The following INPP5D variants were observed in gnomAD, a reference collection of about 807,000 sequenced individuals.
INPP5D encodes phosphatidylinositol 3,4,5-trisphosphate 5-phosphatase 1.
INPP5D carries 33 observed loss-of-function variants against 122.9 expected under a neutral mutation model. That is an observed-to-expected ratio of 0.27 (90% CI 0.20 to 0.36). The LOEUF (loss-of-function observed/expected upper bound fraction) is 0.36, where lower values mean the gene tolerates loss of function less well. INPP5D is among the 10% of genes least tolerant of loss of function. The pLI is 1.00. For synonymous variants in INPP5D, 584 were observed against 576.2 expected, an observed-to-expected ratio of 1.01 and a Z score of -0.19; for missense variants, 1,053 against 1,412.7, an observed-to-expected ratio of 0.75 and a Z score of 4.08.
At chr2:233,132,859 T>C (rs992606090) in intron 5 of INPP5D, among the ~76,000 whole-genome samples, 3 of 151,436 alleles carry the variant, frequency 2.0e-5, no homozygotes, top group African/African-American at 7.3e-5. Flanking sequence ...CACACAACAG[T>C]AGACTAAGGA....
At chr2:233,086,108 G>A (rs992698187) in intron 2 of INPP5D, among the ~76,000 whole-genome samples, 1 of 137,210 alleles carries the variant, frequency 7.3e-6, no homozygotes, top group African/African-American at 2.6e-5. Flanking sequence ...CAGACATAGG[G>A]ATAAGATAGC....
rs73996067 is a variant in INPP5D at position 233,190,049 on chromosome 2, C to T, written c.2446+112C>T. On this transcript the variant is annotated intron_variant, in intron 22 of 26. Transcript: ENST00000445964. ...TTCCGGTCATAGGCTCCTGCCTCTC[C>T]TTTCCTCATCCCAGGGCTGCTAGTG... 5.6e-3 allele frequency: 8,321 copies of T among 1,478,602 alleles called. 334 individuals are homozygous for T. The African/African-American group carries it at 0.098, about 17-fold the overall frequency. The allele number at this position is 1,478,602 out of a possible 1,614,324, so 91.6% of individuals were successfully genotyped here. A position where few individuals can be genotyped will look rare whatever the true frequency, so the allele number is the denominator to read the frequency against.
In INPP5D at chr2:233,170,861, G is replaced by A. The variant is rs1345239721; in HGVS notation, c.1901-203G>A. On this transcript the variant is annotated intron_variant, in intron 16 of 26. Transcript: ENST00000445964. The surrounding 1 kb of genome is among the most constrained non-coding windows in gnomAD (Gnocchi z 4.5). ...GCAGAGCTTGCAGTGAGCCAAGATC[G>A]CGCCACTGCACTCCAGCCTGGCCAA... Among the ~76,000 whole-genome samples, 6 of 146,770 alleles carry A rather than the reference G, an allele frequency of 4.1e-5. No individual in the cohort carries two copies. The highest frequency in any genetic ancestry group is 2.0e-4 in the East Asian group (1 of 4,940).
At chr2:233,135,385 G>C (rs1242519234) in intron 5 of INPP5D, among the ~76,000 whole-genome samples, 3 of 151,366 alleles carry the variant, frequency 2.0e-5, no homozygotes, top group Non-Finnish European at 2.9e-5. Flanking sequence ...TTTTTTCTTA[G>C]AGATGGAGTT....
At chr2:233,161,560 C>T (rs1694199567) in intron 10 of INPP5D, among the ~76,000 whole-genome samples, 164 bp from the exon 11 acceptor site, 1 of 152,166 alleles carries the variant, frequency 6.6e-6, no homozygotes, top group Admixed American at 6.5e-5. Flanking sequence ...AGGCCAGAAG[C>T]CACTCGCTTA....
At chr2:233,173,769 C>A (rs1254736618) in intron 17 of INPP5D, among the ~76,000 whole-genome samples, 2 of 152,038 alleles carry the variant, frequency 1.3e-5, no homozygotes, top group Non-Finnish European at 2.9e-5. Flanking sequence ...CTTGTCTCTA[C>A]TAAAAATACA....
At chr2:233,205,785 G>T (rs768788476) in intron 26 of INPP5D, 2 of 151,956 alleles carry the variant, frequency 1.3e-5, no homozygotes, top group African/African-American at 4.8e-5. Context: ...CAGTGATTAA[G>T]AACAGACTCC....
At chr2:233,150,445 T>C (rs534857508) in intron 9 of INPP5D, among the ~76,000 whole-genome samples, 2 of 152,300 alleles carry the variant, frequency 1.3e-5, no homozygotes, top group East Asian at 3.9e-4. Context: ...CCTTTATAAA[T>C]TACCCAGTCT....
At chr2:233,107,906 C>T (rs898933726) in intron 2 of INPP5D, among the ~76,000 whole-genome samples, 1 of 152,174 alleles carries the variant, frequency 6.6e-6, no homozygotes, top group Non-Finnish European at 1.5e-5. Context: ...CCCTTCTGCA[C>T]ACTGAGATTC....
At chr2:233,202,733 G>C (rs910906605) in intron 25 of INPP5D, among the ~76,000 whole-genome samples, 9 of 152,230 alleles carry the variant, frequency 5.9e-5, no homozygotes, top group Non-Finnish European at 8.8e-5. Context: ...CTGCTAGTCA[G>C]GAAGTAAAAT....
chr2:233,184,947 G>A (rs951744289), intron 20 of INPP5D, among the ~76,000 whole-genome samples: 2 of 152,030 alleles, frequency 1.3e-5, no homozygotes, highest in East Asian at 3.9e-4. Flanking sequence ...CTTGCTCGTT[G>A]GAGATCACAG....
In INPP5D at chr2:233,186,684, C is replaced by CTTTTTTTTTTTTTT. The variant is rs144243823; in HGVS notation, c.2358+802_2358+815dup. Among the ~76,000 whole-genome samples the CTTTTTTTTTTTTTT allele has an allele frequency of 1.8e-4, 8 of 44,532 alleles. 1 individual carries two copies. The highest frequency in any genetic ancestry group is 3.0e-4 in the Admixed American group (1 of 3,374). 29.2% of individuals were successfully genotyped at this position (44,532 alleles called of 152,430 possible). A position where few individuals can be genotyped will look rare whatever the true frequency, so the allele number is the denominator to read the frequency against. On this transcript the variant is annotated intron_variant, in intron 21 of 26. Coordinates refer to ENST00000445964, the MANE Select transcript of INPP5D (RefSeq NM_001017915.3). ...CTTGTTTTTTTTTCTTTTTCTCTTT[C>CTTTTTTTTTTTTTT]TTTTTTTTTTTTTTTTTTTTTTTTT...
chr2:233,117,202 G>C (rs10933431), intron 2 of INPP5D, among the ~76,000 whole-genome samples: 96,571 of 152,056 alleles, frequency 0.64, 33,038 homozygotes, highest in Non-Finnish European at 0.77. Flanking sequence ...GGAACGAAGT[G>C]TGGCAGCCTG....
At chr2:233,203,559 G>T (rs1695396036) in intron 25 of INPP5D, among the ~76,000 whole-genome samples, 2 of 152,082 alleles carry the variant, frequency 1.3e-5, no homozygotes, top group South Asian at 4.2e-4. Context: ...TTCACTTGAG[G>T]TGAAATTCAC....
At position 233,188,035 on chromosome 2, in the gene INPP5D, CT is replaced by C. The variant is rs1261419495; in HGVS notation, c.2359-1814del. Among the ~76,000 whole-genome samples, 1 of 152,074 alleles carries C rather than the reference CT, an allele frequency of 6.6e-6. No individual in the cohort carries two copies. The highest frequency in any genetic ancestry group is 2.4e-5 in the African/African-American group (1 of 41,414). On this transcript the variant is annotated intron_variant, in intron 21 of 26. Transcript: ENST00000445964. The surrounding 1 kb of genome is among the most constrained non-coding windows in gnomAD (Gnocchi z 4.7). ...GCCTCTGTCCCCTCCCTCAGTCCCCCTGCCCCCTCCCAGGGGGTCCACTCCT... is the reference window on the plus strand; with the variant it reads ...GCCTCTGTCCCCTCCCTCAGTCCCCCGCCCCCTCCCAGGGGGTCCACTCCT...
In INPP5D at chr2:233,197,102, G is replaced by A. The variant is rs1695204133; in HGVS notation, c.2694-993G>A. 6.6e-6 allele frequency among the ~76,000 whole-genome samples: 1 copy of A among 152,226 alleles called. No homozygotes were observed. The highest frequency in any genetic ancestry group is 2.4e-5 in the African/African-American group (1 of 41,466). ...ATTTATTTCTGAAGCAGGCAGTGGTGGATGGGAACAAGGTACAGCTCGGAA... is the reference window on the plus strand; with the variant it reads ...ATTTATTTCTGAAGCAGGCAGTGGTAGATGGGAACAAGGTACAGCTCGGAA... On this transcript the variant is annotated intron_variant, in intron 24 of 26. Transcript: ENST00000445964. This position sits in a 1 kb window ranked among gnomAD's most constrained non-coding sequence, Gnocchi z 4.4.
intron 17 of INPP5D, 22 bp downstream of exon 17, chr2:233,171,174 C>T: frequency 1.9e-6 from 3 of 1,611,914 alleles, no homozygotes; most frequent in Non-Finnish European, 2.5e-6. Flanking sequence ...TCATAGACAC[C>T]TTCCCTGCCC....
In INPP5D at chr2:233,164,186, T is replaced by C; in HGVS notation, c.1438-121T>C. Reference sequence around the variant, plus strand: ...GCATCGCTGGGAGTCCCCCGAAGGGTTGGGATTACAGACAGGATACCCCAT... The same window carrying C: ...GCATCGCTGGGAGTCCCCCGAAGGGCTGGGATTACAGACAGGATACCCCAT... On this transcript the variant is annotated intron_variant, in intron 12 of 26. Coordinates refer to ENST00000445964, the MANE Select transcript of INPP5D (RefSeq NM_001017915.3). This position sits in a 1 kb window ranked among gnomAD's most constrained non-coding sequence, Gnocchi z 4.3. The C allele has an allele frequency of 3.5e-6, 5 of 1,441,172 alleles. No homozygotes were observed. The highest frequency in any genetic ancestry group is 1.8e-6 in the Non-Finnish European group (2 of 1,097,678). The allele number at this position is 1,441,172 out of a possible 1,614,324, so 89.3% of individuals were successfully genotyped here.
At chr2:233,124,374 C>G (rs778096526) in intron 3 of INPP5D, among the ~76,000 whole-genome samples, 15 of 152,348 alleles carry the variant, frequency 9.8e-5, no homozygotes, top group Non-Finnish European at 1.8e-4. Flanking sequence ...GCCCCCTGCT[C>G]CCTCCCACCC....
Sources: gnomAD v4.1 joint callset for allele counts (sites outside exome capture counted in the v4.1 genomes callset) on GRCh38, gnomAD v4.1.1 for gene constraint, Gnocchi (gnomAD v3.1) non-coding constraint, MANE v1.5 for transcripts, NCBI Gene and HGNC (gene_info 2026-07-23, HGNC 2026-07-21) for gene names.